Variants in CACNA2D3 observed in about 807,000 individuals in gnomAD.
CACNA2D3 encodes calcium voltage-gated channel auxiliary subunit alpha2delta 3.
A neutral mutation model predicts 160.6 loss-of-function variants in CACNA2D3; 60 were observed. The observed-to-expected ratio is 0.37, with a 90% CI of 0.30 to 0.46. CACNA2D3 has a LOEUF of 0.46. Among genes scored for constraint, CACNA2D3 ranks in the 20% least tolerant of loss-of-function variants. The pLI, the probability that CACNA2D3 is intolerant of heterozygous loss-of-function variation, is 1.00. For missense variants in CACNA2D3, 1,205 were observed against 1,365.0 expected (o/e 0.88, Z 1.85); for synonymous variants, 558 against 492.9 (o/e 1.13, Z -1.75).
intron 13 of CACNA2D3, among the ~76,000 whole-genome samples, chr3:54,773,425 C>T (rs1233772159): frequency 6.6e-6 from 1 of 152,166 alleles, no homozygotes; most frequent in African/African-American, 2.4e-5. Flanking sequence ...GAAACATAAA[C>T]CATCCTGCTG....
At chr3:54,453,874 G>A (rs536500357) in intron 4 of CACNA2D3, among the ~76,000 whole-genome samples, 73 of 152,284 alleles carry the variant, frequency 4.8e-4, no homozygotes, top group Non-Finnish European at 9.1e-4. Context: ...TGGGGAGATC[G>A]ATTTTATTGT....
chr3:54,908,980 A>G (rs1700502077), intron 27 of CACNA2D3, among the ~76,000 whole-genome samples: 2 of 152,196 alleles, frequency 1.3e-5, no homozygotes, highest in African/African-American at 2.4e-5. Flanking sequence ...AACAACGAAA[A>G]AGGCTGATTT....
intron 2 of CACNA2D3, among the ~76,000 whole-genome samples, chr3:54,290,905 G>T (rs1703181347): frequency 6.6e-6 from 1 of 151,260 alleles, no homozygotes; most frequent in Admixed American, 6.6e-5. Flanking sequence ...ACCGGGGCCT[G>T]TTGTGGGGTA....
chr3:54,423,969 G>T (rs1318757063), intron 4 of CACNA2D3, among the ~76,000 whole-genome samples: 1 of 151,028 alleles, frequency 6.6e-6, no homozygotes, highest in African/African-American at 2.4e-5. Flanking sequence ...ACGGCTCACT[G>T]CAGCCTCAAA....
intron 27 of CACNA2D3, among the ~76,000 whole-genome samples, chr3:54,964,550 A>G (rs1177222176): frequency 6.6e-6 from 1 of 152,116 alleles, no homozygotes; most frequent in Non-Finnish European, 1.5e-5. Context: ...AACAAAATAG[A>G]CGGGCTTGAC....
At chr3:55,015,650 C>G (rs1703312227) in intron 34 of CACNA2D3, among the ~76,000 whole-genome samples, 1 of 152,146 alleles carries the variant, frequency 6.6e-6, no homozygotes, top group Non-Finnish European at 1.5e-5. Flanking sequence ...ACCAGAATGA[C>G]TTGCCATACA....
At chr3:54,541,676 C>T (rs1277875975) in intron 5 of CACNA2D3, among the ~76,000 whole-genome samples, 2 of 152,128 alleles carry the variant, frequency 1.3e-5, no homozygotes, top group African/African-American at 4.8e-5. Context: ...GTTACCGTCA[C>T]GTGGTGCTGC....
intron 27 of CACNA2D3, chr3:54,924,897 G>A: frequency 1.2e-6 from 2 of 1,613,760 alleles, no homozygotes; most frequent in South Asian, 1.1e-5. Flanking sequence ...GGAAAGGAGT[G>A]AATTCTGGGT....
chr3:54,740,034 G>A (rs1165170932), intron 11 of CACNA2D3, among the ~76,000 whole-genome samples: 1 of 151,958 alleles, frequency 6.6e-6, no homozygotes, highest in Non-Finnish European at 1.5e-5. Flanking sequence ...CTTGATGGAT[G>A]GAAGGCTAGG....
At chr3:54,860,503 A>C (rs904005654) in intron 17 of CACNA2D3, among the ~76,000 whole-genome samples, 1 of 152,192 alleles carries the variant, frequency 6.6e-6, no homozygotes, top group African/African-American at 2.4e-5. Context: ...AAGTTAATGA[A>C]GCCCATGTTT....
chr3:54,469,098 A>T (rs1228274978), intron 4 of CACNA2D3, among the ~76,000 whole-genome samples: 4 of 152,172 alleles, frequency 2.6e-5, no homozygotes, highest in African/African-American at 7.2e-5. Flanking sequence ...CTGCCTCCTG[A>T]AGTGGGTCCC....
intron 4 of CACNA2D3, among the ~76,000 whole-genome samples, chr3:54,445,555 T>TAC (rs3028897): frequency 0.035 from 5,143 of 147,162 alleles, 232 homozygotes; most frequent in African/African-American, 0.1. Flanking sequence ...TTTCTATGTA[T>TAC]ACACACACAC....
chr3:55,074,379 C>CAA lies in CACNA2D3; in HGVS notation c.*177_*178dup, dbSNP rs1190921989. On this transcript the variant is annotated 3_prime_UTR_variant, in exon 38 of 38. Transcript: ENST00000474759. ...ATATAAACTCTTAAAGATATGTTGA[C>CAA]AAAAAGTTATCTATCATCTTTTTAC... The CAA allele has an allele frequency of 6.8e-6, 4 of 586,080 alleles. No homozygotes were observed. The Admixed American group carries it at 9.4e-5, about 14-fold the overall frequency. 36.3% of individuals were successfully genotyped at this position (586,080 alleles called of 1,614,324 possible). A position where few individuals can be genotyped will look rare whatever the true frequency, so the allele number is the denominator to read the frequency against.
chr3:55,013,414 A>G (rs1703253523), intron 34 of CACNA2D3, among the ~76,000 whole-genome samples: 1 of 152,230 alleles, frequency 6.6e-6, no homozygotes. Context: ...ATGGATGAAG[A>G]AAAGAAAACA....
intron 29 of CACNA2D3, among the ~76,000 whole-genome samples, chr3:54,978,428 A>G (rs1213021372): frequency 6.6e-6 from 1 of 152,190 alleles, no homozygotes; most frequent in Non-Finnish European, 1.5e-5. Flanking sequence ...TTCAGGGTAG[A>G]TAGAGAGGAG....
intron 31 of CACNA2D3, among the ~76,000 whole-genome samples, chr3:54,992,000 T>C (rs1205914005): frequency 6.6e-6 from 1 of 152,214 alleles, no homozygotes; most frequent in Admixed American, 6.5e-5. Context: ...CAAAGGATAG[T>C]TACTACATAG....
At chr3:54,370,250 TCAGACTTA>T (rs1208055311) in intron 3 of CACNA2D3, among the ~76,000 whole-genome samples, 107 of 152,330 alleles carry the variant, frequency 7.0e-4, no homozygotes, top group Admixed American at 6.8e-3. Flanking sequence ...CTAGATGCCA[TCAGACTTA>T]CAGTTCTTAG....
rs369909210 is a variant in CACNA2D3, at chr3:54,992,304, A to G, written c.2690+4551A>G. On this transcript the variant is annotated intron_variant, in intron 31 of 37. Coordinates refer to ENST00000474759, the MANE Select transcript of CACNA2D3 (RefSeq NM_018398.3). The stretch of plus-strand genomic sequence containing the variant: ...CAAAATAGGATGAAAATAATTATTC[A>G]TATACCTACAAGTGAGGGATATATG... Among the ~76,000 whole-genome samples, 138 of 152,288 alleles carry G rather than the reference A, an allele frequency of 9.1e-4. 2 individuals are homozygous for G. In the South Asian group the frequency reaches 0.016, roughly 17 times the overall value.
At chr3:54,304,666 C>T (rs780715671) in intron 2 of CACNA2D3, among the ~76,000 whole-genome samples, 14 of 152,098 alleles carry the variant, frequency 9.2e-5, no homozygotes, top group Non-Finnish European at 1.3e-4. Context: ...AAAAAAGTCT[C>T]GTTTTACCTT....
Sources: gnomAD v4.1 joint callset for allele counts (sites outside exome capture counted in the v4.1 genomes callset) on GRCh38, gnomAD v4.1.1 for gene constraint, MANE v1.5 for transcripts, NCBI Gene and HGNC (gene_info 2026-07-23, HGNC 2026-07-21) for gene names.